Variants in FNIP2 observed in about 807,000 individuals in gnomAD.
FNIP2 encodes folliculin-interacting protein 2.
A neutral mutation model predicts 108.7 loss-of-function variants in FNIP2; 32 were observed. The observed-to-expected ratio is 0.29, with a 90% CI of 0.22 to 0.40. FNIP2 has a LOEUF of 0.40. FNIP2 is among the 10% of genes least tolerant of loss of function. The probability of loss-of-function intolerance (pLI) is 1.00; values close to 1 mark genes in which losing one functional copy is unlikely to be tolerated. For missense variants in FNIP2, 1,202 were observed against 1,381.6 expected, an observed-to-expected ratio of 0.87 and a Z score of 2.06; for synonymous variants, 480 against 496.7, an observed-to-expected ratio of 0.97 and a Z score of 0.45.
At chr4:158,796,539 CATT>C (rs1776596930) in intron 1 of FNIP2, among the ~76,000 whole-genome samples, 1 of 152,070 alleles carries the variant, frequency 6.6e-6, no homozygotes, top group South Asian at 2.1e-4. Context: ...TGGGCAAAAT[CATT>C]ATTTGCCAGG....
intron 14 of FNIP2, among the ~76,000 whole-genome samples, chr4:158,873,470 A>T (rs1386927253): frequency 6.6e-6 from 1 of 152,136 alleles, no homozygotes; most frequent in Non-Finnish European, 1.5e-5. Flanking sequence ...CATTCTCCCA[A>T]GTAGACAGGA....
At chr4:158,858,610 G>C (rs556489356) in intron 8 of FNIP2, among the ~76,000 whole-genome samples, 1 of 152,166 alleles carries the variant, frequency 6.6e-6, no homozygotes, top group African/African-American at 2.4e-5. Context: ...AGTTTTAATA[G>C]CCCTGGGAAA....
chr4:158,859,070 A>T lies in FNIP2; in HGVS notation c.871A>T (p.Thr291Ser). Residue 291 changes from threonine to serine, a missense_variant, in exon 9 of 17, where the codon ACA becomes TCA. Physicochemically the swap from Thr to Ser is moderately conservative, Grantham distance 58. Around this residue, in one of 5 missense-constraint regions of FNIP2, gnomAD observed 878 missense variants for 990.3 expected, o/e 0.89. Transcript: ENST00000264433. ...ATTTCCCTCCAGGTCAACTGATGAG[A>T]CATTCAGCTTGGCTGAAGAAACCTG... Reference protein sequence around the residue: ...GIIPRRSTDETFSLAEETCSS... With the variant: ...GIIPRRSTDESFSLAEETCSS... 5 of 1,613,926 alleles carry T rather than the reference A, an allele frequency of 3.1e-6. No individual in the cohort carries two copies. Among genetic ancestry groups the T allele is most frequent in the Non-Finnish European group, 2.5e-6 (3 of 1,179,824 alleles).
rs1394477509 is a variant in FNIP2, at chr4:158,906,279, G to A, written c.*1735G>A. 1.3e-5 allele frequency: 2 copies of A among 152,176 alleles called. No individual in the cohort carries two copies. Among genetic ancestry groups the A allele is most frequent in the Non-Finnish European group, 2.9e-5 (2 of 68,030 alleles). The allele number at this position is 152,176 out of a possible 1,614,324, so 9.4% of individuals were successfully genotyped here. ...ACCCCACATCCGTTTCTCATTACGT[G>A]TAAATAAACTGTCAGAGCTGATGTT... On this transcript the variant is annotated 3_prime_UTR_variant, in exon 17 of 17. Coordinates refer to ENST00000264433, the MANE Select transcript of FNIP2 (RefSeq NM_020840.3).
intron 7 of FNIP2, among the ~76,000 whole-genome samples, chr4:158,850,036 G>T (rs1306443001): frequency 6.6e-6 from 1 of 152,176 alleles, no homozygotes; most frequent in Non-Finnish European, 1.5e-5. Context: ...TACCCCAGTT[G>T]CCTACCACAC....
intron 10 of FNIP2, among the ~76,000 whole-genome samples, chr4:158,860,386 T>C (rs1373846434): frequency 6.6e-6 from 1 of 152,158 alleles, no homozygotes; most frequent in Non-Finnish European, 1.5e-5. Context: ...GCTGATGAAC[T>C]CAGTAATGCT....
Position 158,769,112 on chromosome 4 carries a change from C to A in FNIP2, c.-101C>A, listed in dbSNP as rs1287614682. 2.9e-6 allele frequency: 1 copy of A among 339,082 alleles called. No individual in the cohort carries two copies. The highest frequency in any genetic ancestry group is 4.1e-6 in the Non-Finnish European group (1 of 241,912). 21.0% of individuals were successfully genotyped at this position (339,082 alleles called of 1,614,324 possible). ...CCGCGCTCCCGCAAGGCTGGGCGGC[C>A]GCGCCGCCGCGATGGCCCCGCCACC... On this transcript the variant is annotated 5_prime_UTR_variant, in exon 1 of 17. Transcript: ENST00000264433.
At chr4:158,822,455 A>T (rs1384469183) in intron 1 of FNIP2, among the ~76,000 whole-genome samples, 1 of 152,152 alleles carries the variant, frequency 6.6e-6, no homozygotes, top group African/African-American at 2.4e-5. Flanking sequence ...GATTACAGAC[A>T]TGAGCCATTG....
intron 12 of FNIP2, among the ~76,000 whole-genome samples, chr4:158,865,433 T>C (rs1780524638): frequency 6.6e-6 from 1 of 152,270 alleles, no homozygotes; most frequent in Non-Finnish European, 1.5e-5. Context: ...GTAATAGCAC[T>C]GGTTCCACTC....
rs377215992 is a variant in FNIP2 at position 158,859,714 on chromosome 4, G to T, written c.1148+48G>T. ...ATCCAACAGGAGATGTTTATGAGCA[G>T]CCATGGATAAAGATAAACTGTGACT... On this transcript the variant is annotated intron_variant, in intron 10 of 16. Coordinates refer to ENST00000264433, the MANE Select transcript of FNIP2 (RefSeq NM_020840.3). The T allele has an allele frequency of 3.4e-6, 5 of 1,454,388 alleles. No homozygotes were observed. The African/African-American group carries it at 5.6e-5, about 16-fold the overall frequency. The allele number at this position is 1,454,388 out of a possible 1,614,324, so 90.1% of individuals were successfully genotyped here.
chr4:158,842,448 TAAATG>T (rs1779181555), intron 7 of FNIP2, among the ~76,000 whole-genome samples: 1 of 152,194 alleles, frequency 6.6e-6, no homozygotes, highest in African/African-American at 2.4e-5. Flanking sequence ...AACTTTTACT[TAAATG>T]AAATAATAAA....
chr4:158,885,954 A>T (rs1201142813), intron 14 of FNIP2, among the ~76,000 whole-genome samples: 1 of 152,238 alleles, frequency 6.6e-6, no homozygotes, highest in Non-Finnish European at 1.5e-5. Context: ...AGTCATGTGT[A>T]TATGAATCAA....
At chr4:158,822,802 C>T (rs964978493) in intron 1 of FNIP2, among the ~76,000 whole-genome samples, 6 of 152,144 alleles carry the variant, frequency 3.9e-5, no homozygotes, top group African/African-American at 1.4e-4. Flanking sequence ...GTCCATCACT[C>T]GTATCTTATA....
intron 6 of FNIP2, 147 bp downstream of exon 6, chr4:158,833,775 C>A: frequency 6.6e-7 from 1 of 1,509,494 alleles, no homozygotes; most frequent in Non-Finnish European, 8.9e-7. Flanking sequence ...CTTTGTTTGC[C>A]CTCTTCTATG....
At chr4:158,823,566 A>G (rs1778001732) in intron 1 of FNIP2, among the ~76,000 whole-genome samples, 1 of 152,250 alleles carries the variant, frequency 6.6e-6, no homozygotes, top group African/African-American at 2.4e-5. Context: ...TCTGGGTCAT[A>G]GTCATCAGAC....
intron 7 of FNIP2, among the ~76,000 whole-genome samples, chr4:158,838,307 G>A (rs867449308): frequency 7.3e-6 from 1 of 136,088 alleles, no homozygotes; most frequent in African/African-American, 2.7e-5. Flanking sequence ...TGTAACCTCT[G>A]CCTCCCAAGC....
rs34074378 is a variant in FNIP2, at chr4:158,866,221, C to CTT, written c.1466-1867_1466-1866dup. On this transcript the variant is annotated intron_variant, in intron 12 of 16. Coordinates refer to ENST00000264433, the MANE Select transcript of FNIP2 (RefSeq NM_020840.3). ...GATTTGTTCCAATATTCTGGTTATT[C>CTT]TTTTTTTTTTTTTTTGAGACAGAGT... 8.4e-5 allele frequency among the ~76,000 whole-genome samples: 5 copies of CTT among 59,778 alleles called. 1 individual carries two copies. The highest frequency in any genetic ancestry group is 1.1e-4 in the Non-Finnish European group (4 of 35,740). The allele number at this position is 59,778 out of a possible 152,430, so 39.2% of individuals were successfully genotyped here.
At chr4:158,884,480 A>T (rs763102198) in intron 14 of FNIP2, among the ~76,000 whole-genome samples, 1 of 152,226 alleles carries the variant, frequency 6.6e-6, no homozygotes, top group Non-Finnish European at 1.5e-5. Flanking sequence ...TCAAAGGAAG[A>T]GCAGTGCAGT....
At chr4:158,813,749 G>A (rs547905501) in intron 1 of FNIP2, among the ~76,000 whole-genome samples, 2 of 152,144 alleles carry the variant, frequency 1.3e-5, no homozygotes, top group African/African-American at 2.4e-5. Flanking sequence ...AGAATCCTTC[G>A]CCATGCTCAA....
Sources: allele counts gnomAD v4.1 joint callset (sites outside exome capture counted in the v4.1 genomes callset), GRCh38; gene constraint gnomAD v4.1.1; regional missense constraint gnomAD v4.1.1; transcripts MANE v1.5; gene names NCBI Gene and HGNC (gene_info 2026-07-23, HGNC 2026-07-21).